Variants in SLC35F3 observed in about 807,000 individuals in gnomAD.
The protein encoded by SLC35F3 is putative thiamine transporter SLC35F3.
A neutral mutation model predicts 49.9 loss-of-function variants in SLC35F3; 25 were observed. The ratio of observed to expected loss-of-function variants is 0.50; its 90% CI spans 0.37 to 0.70. The LOEUF is 0.70. Among genes scored for constraint, SLC35F3 ranks in the 30% least tolerant of loss-of-function variants. The pLI, the probability that SLC35F3 is intolerant of heterozygous loss-of-function variation, is 0.00. For synonymous variants in SLC35F3, 275 were observed against 265.4 expected (o/e 1.04, Z -0.35); for missense variants, 525 against 639.8 (o/e 0.82, Z 1.94).
chr1:233,923,976 G>T (rs1036117367), intron 2 of SLC35F3, among the ~76,000 whole-genome samples: 1 of 152,150 alleles, frequency 6.6e-6, no homozygotes, highest in Non-Finnish European at 1.5e-5. Context: ...AACAAGCCTT[G>T]CTTCCCAGGG....
intron 2 of SLC35F3, among the ~76,000 whole-genome samples, chr1:234,171,461 G>A (rs554158970): frequency 6.6e-6 from 1 of 152,194 alleles, no homozygotes; most frequent in Non-Finnish European, 1.5e-5. Flanking sequence ...ACACAGAGGG[G>A]GGTGTCTGTG....
intron 2 of SLC35F3, among the ~76,000 whole-genome samples, chr1:234,146,481 CTTTTTTTTT>C (rs869146212): frequency 2.7e-5 from 2 of 74,040 alleles, no homozygotes; most frequent in Admixed American, 2.2e-4. Context: ...GATATTTGCT[CTTTTTTTTT>C]TTTTTTTTTT....
intron 2 of SLC35F3, among the ~76,000 whole-genome samples, chr1:233,997,878 A>G (rs540463931): frequency 4.8e-4 from 73 of 151,938 alleles, no homozygotes; most frequent in Admixed American, 7.9e-4. Context: ...CAGCTTCCCA[A>G]GTAGCTGGGA....
intron 2 of SLC35F3, among the ~76,000 whole-genome samples, chr1:234,001,922 A>G (rs1663560736): frequency 6.6e-6 from 1 of 152,140 alleles, no homozygotes; most frequent in South Asian, 2.1e-4. Context: ...TAAATTTCCA[A>G]AGGCTTACTA....
At position 233,912,494 on chromosome 1, in the gene SLC35F3, G is replaced by C. The variant is rs113730591; in HGVS notation, c.283+6736G>C. ...TCCATCACAAAAACAAACAAACAAA[G>C]AAACAAACAAACAAAAAAAACGAAA... On this transcript the variant is annotated intron_variant, in intron 2 of 7. Transcript: ENST00000366618. Among the ~76,000 whole-genome samples the C allele has an allele frequency of 9.6e-3, 1,164 of 120,726 alleles. 8 individuals are homozygous for C. The highest frequency in any genetic ancestry group is 0.019 in the African/African-American group (728 of 38,852). 79.2% of individuals were successfully genotyped at this position (120,726 alleles called of 152,430 possible).
At chr1:233,987,732 T>A (rs1193937756) in intron 2 of SLC35F3, among the ~76,000 whole-genome samples, 2 of 152,166 alleles carry the variant, frequency 1.3e-5, no homozygotes, top group Non-Finnish European at 2.9e-5. Context: ...CTCTTCTCTC[T>A]CTCTGGACCA....
chr1:233,938,610 A>T (rs1372308058), intron 2 of SLC35F3, among the ~76,000 whole-genome samples: 2 of 152,162 alleles, frequency 1.3e-5, no homozygotes, highest in African/African-American at 4.8e-5. Flanking sequence ...CTAACAATGG[A>T]TGGACAGATG....
chr1:234,287,196 AAAAT>A lies in SLC35F3; in HGVS notation c.609-21897_609-21894del, dbSNP rs546290343. Among the ~76,000 whole-genome samples, 239 of 152,220 alleles carry A rather than the reference AAAAT, an allele frequency of 1.6e-3. 1 individual carries two copies. Among genetic ancestry groups the A allele is most frequent in the Middle Eastern group, 3.4e-3 (1 of 294 alleles). On this transcript the variant is annotated intron_variant, in intron 3 of 7. Coordinates refer to ENST00000366618, the MANE Select transcript of SLC35F3 (RefSeq NM_173508.4). ...CCTGGGCAACAGAGTGAGACCCTAAAAAATAAATAAAAATAAAAATTTAAAAAGC... is the reference window on the plus strand; with the variant it reads ...CCTGGGCAACAGAGTGAGACCCTAAAAAATAAAAATAAAAATTTAAAAAGC...
chr1:234,051,939 C>T (rs190030329), intron 2 of SLC35F3, among the ~76,000 whole-genome samples: 12 of 152,198 alleles, frequency 7.9e-5, no homozygotes, highest in East Asian at 1.9e-4. Flanking sequence ...TGATGGATTA[C>T]GTTTATTGAT....
chr1:234,108,786 A>G (rs1282606438), intron 2 of SLC35F3, among the ~76,000 whole-genome samples: 1 of 130,746 alleles, frequency 7.6e-6, no homozygotes, highest in Non-Finnish European at 1.6e-5. Context: ...TTATATATAA[A>G]AGATATATAT....
At chr1:234,070,834 A>G (rs1664702905) in intron 2 of SLC35F3, among the ~76,000 whole-genome samples, 1 of 152,122 alleles carries the variant, frequency 6.6e-6, no homozygotes. Context: ...ATTTTGTATG[A>G]TGGCCTCCTT....
chr1:234,088,959 G>A (rs1374910724), intron 2 of SLC35F3, among the ~76,000 whole-genome samples: 4 of 151,962 alleles, frequency 2.6e-5, no homozygotes, highest in Admixed American at 1.3e-4. Context: ...AGGAGGTTTT[G>A]CCATGTTGCC....
intron 2 of SLC35F3, among the ~76,000 whole-genome samples, chr1:234,109,356 T>A (rs1191327657): frequency 6.6e-6 from 1 of 152,190 alleles, no homozygotes; most frequent in Non-Finnish European, 1.5e-5. Context: ...AGGTTAAATG[T>A]GTGTCAAGTG....
intron 2 of SLC35F3, among the ~76,000 whole-genome samples, chr1:233,982,873 G>A (rs1663208203): frequency 1.3e-5 from 2 of 152,136 alleles, no homozygotes; most frequent in African/African-American, 4.8e-5. Context: ...GGATTCTGAG[G>A]GAGAACTGTG....
In SLC35F3 at chr1:234,318,731, T is replaced by G; in HGVS notation, c.955-20T>G. 1.2e-6 allele frequency: 2 copies of G among 1,610,078 alleles called. No homozygotes were observed. Among genetic ancestry groups the G allele is most frequent in the Non-Finnish European group, 1.7e-6 (2 of 1,177,852 alleles). On this transcript the variant is annotated intron_variant, in intron 5 of 7. Coordinates refer to ENST00000366618, the MANE Select transcript of SLC35F3 (RefSeq NM_173508.4). ...TCTGAGGTGAGCCTTCACCCCGTCC[T>G]CCTCTGCTTTCTCCTACAGGTTTTG...
At chr1:234,004,108 C>T (rs369093444) in intron 2 of SLC35F3, among the ~76,000 whole-genome samples, 1 of 152,062 alleles carries the variant, frequency 6.6e-6, no homozygotes, top group African/African-American at 2.4e-5. Flanking sequence ...ATATCTGTCC[C>T]AGAGAAATGC....
intron 2 of SLC35F3, among the ~76,000 whole-genome samples, chr1:233,986,568 C>T (rs1447241537): frequency 6.6e-6 from 1 of 152,106 alleles, no homozygotes; most frequent in Non-Finnish European, 1.5e-5. Context: ...ATAAAATATA[C>T]ATATGTTTAT....
At chr1:234,017,697 G>A (rs986576505) in intron 2 of SLC35F3, among the ~76,000 whole-genome samples, 1 of 132,142 alleles carries the variant, frequency 7.6e-6, no homozygotes, top group Non-Finnish European at 1.6e-5. Flanking sequence ...CTGGGAGACA[G>A]AGCGAGACTT....
At chr1:234,150,892 G>A (rs999434028) in intron 2 of SLC35F3, among the ~76,000 whole-genome samples, 2 of 152,170 alleles carry the variant, frequency 1.3e-5, no homozygotes, top group Admixed American at 6.5e-5. Flanking sequence ...GTGACTGAGG[G>A]AACTGAGAAC....
Sources: gnomAD v4.1 joint callset for allele counts (sites outside exome capture counted in the v4.1 genomes callset) on GRCh38, gnomAD v4.1.1 for gene constraint, MANE v1.5 for transcripts, NCBI Gene and HGNC (gene_info 2026-07-23, HGNC 2026-07-21) for gene names.